The following ASB1 variants were observed in gnomAD, a reference collection of about 807,000 sequenced individuals.
The protein encoded by ASB1 is ankyrin repeat and SOCS box protein 1.
A neutral mutation model predicts 27.7 loss-of-function variants in ASB1; 18 were observed. The ratio of observed to expected loss-of-function variants is 0.65; its 90% CI spans 0.45 to 0.96. The LOEUF is 0.96. Ranked by LOEUF, ASB1 falls within the 50% of genes least tolerant of loss-of-function variation. The pLI is 0.00. For missense variants in ASB1, 397 were observed against 451.7 expected (o/e 0.88, Z 1.10); for synonymous variants, 189 against 187.6 (o/e 1.01, Z -0.06).
chr2:238,435,616 G>T, intron 2 of ASB1, 95 bp from the exon 3 acceptor site: 1 of 1,293,582 alleles, frequency 7.7e-7, no homozygotes, highest in Non-Finnish European at 1.1e-6. Flanking sequence ...TAACCAGAGG[G>T]GGACCGTGTC....
intron 3 of ASB1, among the ~76,000 whole-genome samples, chr2:238,438,142 A>G (rs1466658887): frequency 6.7e-6 from 1 of 149,688 alleles, no homozygotes; most frequent in African/African-American, 2.5e-5. Context: ...TTCATGATGC[A>G]CAACTGCTTT....
chr2:238,436,302 C>G (rs1480024388), intron 3 of ASB1, among the ~76,000 whole-genome samples: 1 of 151,810 alleles, frequency 6.6e-6, no homozygotes, highest in Non-Finnish European at 1.5e-5. Flanking sequence ...TTACCTTTTA[C>G]TATAGTTTTG....
chr2:238,438,817 T>G (rs1458590596), intron 3 of ASB1, among the ~76,000 whole-genome samples: 1 of 152,246 alleles, frequency 6.6e-6, no homozygotes, highest in African/African-American at 2.4e-5. Context: ...TCACTTGATA[T>G]GTATTGCCCA....
intron 1 of ASB1, among the ~76,000 whole-genome samples, chr2:238,432,217 A>G (rs922700602): frequency 5.3e-5 from 8 of 152,182 alleles, no homozygotes; most frequent in African/African-American, 1.9e-4. Flanking sequence ...AAAAACCAAA[A>G]AAGTTCTTCT....
chr2:238,444,046 CTCT>C (rs1345526023), intron 3 of ASB1, among the ~76,000 whole-genome samples: 3 of 152,174 alleles, frequency 2.0e-5, no homozygotes, highest in East Asian at 3.8e-4. Context: ...TTGTAAGTTT[CTCT>C]TCTTTTTCTT....
intron 2 of ASB1, among the ~76,000 whole-genome samples, 191 bp from the exon 3 acceptor site, chr2:238,435,520 C>T (rs781612365): frequency 1.3e-5 from 2 of 152,134 alleles, no homozygotes; most frequent in Non-Finnish European, 2.9e-5. Context: ...GAATGGGGCT[C>T]GTAATGCCTG....
rs1412138406 is a variant in ASB1, at chr2:238,452,142, C to G, written c.*5631C>G. On this transcript the variant is annotated 3_prime_UTR_variant, in exon 5 of 5. Transcript: ENST00000264607. ...TGGGCAAGCCTGTTGTTTTTGGCCC[C>G]CTGTTGTTACATGGGACCTGTTTTG... The G allele has an allele frequency of 6.6e-6, 1 of 152,154 alleles. No homozygotes were observed. Among genetic ancestry groups the G allele is most frequent in the Non-Finnish European group, 1.5e-5 (1 of 68,042 alleles). The allele number at this position is 152,154 out of a possible 1,614,324, so 9.4% of individuals were successfully genotyped here. A position where few individuals can be genotyped will look rare whatever the true frequency, so the allele number is the denominator to read the frequency against.
At chr2:238,441,013 G>A (rs1252880066) in intron 3 of ASB1, among the ~76,000 whole-genome samples, 1 of 152,220 alleles carries the variant, frequency 6.6e-6, no homozygotes, top group South Asian at 2.1e-4. Context: ...CGCTGGGAGT[G>A]GTCTGTGCTA....
At chr2:238,439,925 TTTAATTTGTTCATTTA>T (rs1412069610) in intron 3 of ASB1, among the ~76,000 whole-genome samples, 1 of 152,246 alleles carries the variant, frequency 6.6e-6, no homozygotes, top group African/African-American at 2.4e-5. Context: ...ATCTCAGATT[TTTAATTTGTTCATTTA>T]TTAATTTGTT....
In ASB1 at chr2:238,446,480, A is replaced by T. The variant is rs1291534773; in HGVS notation, c.977A>T (p.Asp326Val). ...LHLIPSLPLP[D>V]PIKKFLLHE ...CTGATTCCTTCGCTGCCTCTGCCAG[A>T]CCCCATAAAGAAGTTTCTACTCCAT... is the stretch of plus-strand genomic sequence containing the variant. Residue 326 changes from aspartate to valine, a missense_variant, in exon 5 of 5, where the codon GAC becomes GTC. Transcript: ENST00000264607. The T allele has an allele frequency of 6.2e-7, 1 of 1,614,022 alleles. No individual in the cohort carries two copies. The highest frequency in any genetic ancestry group is 8.5e-7 in the Non-Finnish European group (1 of 1,180,020).
intron 3 of ASB1, among the ~76,000 whole-genome samples, chr2:238,443,265 T>G (rs1397364799): frequency 6.6e-6 from 1 of 152,216 alleles, no homozygotes; most frequent in African/African-American, 2.4e-5. Flanking sequence ...TTTTGGACAT[T>G]TATTATTAAG....
chr2:238,430,536 C>A (rs752015840), intron 1 of ASB1, among the ~76,000 whole-genome samples: 5 of 152,224 alleles, frequency 3.3e-5, no homozygotes, highest in Non-Finnish European at 7.3e-5. Flanking sequence ...GAATTAACTT[C>A]TTTCAAACTC....
At position 238,446,653 on chromosome 2, in the gene ASB1, C is replaced by A; in HGVS notation, c.*142C>A. On this transcript the variant is annotated 3_prime_UTR_variant, in exon 5 of 5. Transcript: ENST00000264607. The stretch of plus-strand genomic sequence containing the variant: ...GTCCTCGTAGACTGTCATTGCTCCT[C>A]AGGTGCCTGGGCCGCTGAACAGTCC... The A allele has an allele frequency of 9.1e-7, 1 of 1,100,878 alleles. No individual in the cohort carries two copies. The allele number at this position is 1,100,878 out of a possible 1,614,324, so 68.2% of individuals were successfully genotyped here.
In ASB1 at chr2:238,444,676, G is replaced by A. The variant is rs1702143886; in HGVS notation, c.829G>A (p.Gly277Arg). The stretch of plus-strand genomic sequence containing the variant: ...GGAATCGCTGGGCCCAGAGTCGAGA[G>A]GAAGAAGAAAAGTGGACCCTGAGGC... ...KWESLGPESR[G>R]RRKVDPEALQ... The change falls in exon 4 of 5, where the codon GGA becomes AGA. Residue 277 changes from glycine (G) to arginine (R), a missense_variant. Gly to Arg is a moderately radical substitution (Grantham distance 125). Transcript: ENST00000264607. The A allele has an allele frequency of 2.5e-6, 4 of 1,614,104 alleles. No homozygotes were observed. Among genetic ancestry groups the A allele is most frequent in the Non-Finnish European group, 3.4e-6 (4 of 1,180,008 alleles).
chr2:238,441,585 C>T (rs1388865941), intron 3 of ASB1, among the ~76,000 whole-genome samples: 2 of 152,212 alleles, frequency 1.3e-5, no homozygotes, highest in African/African-American at 2.4e-5. Flanking sequence ...GGACTGTACA[C>T]TTTCACTGTG....
At chr2:238,442,734 A>G (rs1214550481) in intron 3 of ASB1, among the ~76,000 whole-genome samples, 1 of 152,166 alleles carries the variant, frequency 6.6e-6, no homozygotes, top group Non-Finnish European at 1.5e-5. Flanking sequence ...GCTATGGTGA[A>G]TGGATATACT....
chr2:238,432,969 A>G (rs1436085239), intron 1 of ASB1, among the ~76,000 whole-genome samples: 1 of 151,942 alleles, frequency 6.6e-6, no homozygotes, highest in African/African-American at 2.4e-5. Flanking sequence ...GATGGTTTTG[A>G]TCTCTTGACC....
In ASB1 at chr2:238,435,869, T is replaced by C. The variant is rs970097148; in HGVS notation, c.350T>C (p.Val117Ala). 1.2e-6 allele frequency: 2 copies of C among 1,614,106 alleles called. No individual in the cohort carries two copies. Among genetic ancestry groups the C allele is most frequent in the African/African-American group, 2.7e-5 (2 of 74,938 alleles). Reference sequence around the variant, plus strand: ...GTAAAAGGACAGACGGCCCTGTATGTGGCTGTGGTGAACGGGCACCTAGAG... The same window carrying C: ...GTAAAAGGACAGACGGCCCTGTATGCGGCTGTGGTGAACGGGCACCTAGAG... ...VDVKGQTALY[V>A]AVVNGHLEST... Residue 117 changes from valine to alanine, a missense_variant, in exon 3 of 5, where the codon GTG becomes GCG. Physicochemically the swap from Val to Ala is moderately conservative, Grantham distance 64. Transcript: ENST00000264607.
chr2:238,429,807 G>A (rs572035269), intron 1 of ASB1, among the ~76,000 whole-genome samples: 67 of 151,952 alleles, frequency 4.4e-4, no homozygotes, highest in African/African-American at 1.4e-3. Flanking sequence ...GTGTGGTGGC[G>A]GGTACCTGTA....
Sources: allele counts gnomAD v4.1 joint callset (sites outside exome capture counted in the v4.1 genomes callset), GRCh38; gene constraint gnomAD v4.1.1; transcripts MANE v1.5; gene names NCBI Gene and HGNC (gene_info 2026-07-23, HGNC 2026-07-21).